The following SMYD2 variants were observed in gnomAD, a reference collection of about 807,000 sequenced individuals.
SMYD2 encodes the protein SET and MYND domain containing 2.
In SMYD2, 53 loss-of-function variants were observed where a neutral mutation model predicts 59.1. The ratio of observed to expected loss-of-function variants is 0.90; its 90% CI spans 0.72 to 1.13. SMYD2 has a LOEUF of 1.13. Among genes scored for constraint, SMYD2 ranks in the 50% most tolerant of loss-of-function variants. The probability of loss-of-function intolerance (pLI) is 0.00; values close to 1 mark genes in which losing one functional copy is unlikely to be tolerated. For synonymous variants in SMYD2, 208 were observed against 198.8 expected, an observed-to-expected ratio of 1.05 and a Z score of -0.39; for missense variants, 494 against 544.7, an observed-to-expected ratio of 0.91 and a Z score of 0.93.
intron 11 of SMYD2, among the ~76,000 whole-genome samples, chr1:214,336,167 A>ATT (rs68101274): frequency 0.81 from 123,417 of 151,814 alleles, 50,875 homozygotes; most frequent in African/African-American, 0.94. Context: ...CCAGCTGGAT[A>ATT]TTTTTGCAGA....
At chr1:214,289,939 A>G (rs1243225030) in intron 1 of SMYD2, among the ~76,000 whole-genome samples, 2 of 152,214 alleles carry the variant, frequency 1.3e-5, no homozygotes, top group Admixed American at 1.3e-4. Flanking sequence ...GGAAATCTGC[A>G]GTAGTTTAGG....
chr1:214,319,023 T>TCCCTCTCCAAGG (rs1334164175), intron 5 of SMYD2, 40 bp downstream of exon 5: 1 of 1,606,968 alleles, frequency 6.2e-7, no homozygotes, highest in South Asian at 1.1e-5. Context: ...GTCTGGCCTT[T>TCCCTCTCCAAGG]CCCTCTCCAA....
At chr1:214,306,135 AG>A (rs1224213625) in intron 2 of SMYD2, among the ~76,000 whole-genome samples, 6 of 152,192 alleles carry the variant, frequency 3.9e-5, no homozygotes, top group Non-Finnish European at 7.3e-5. Context: ...ATGCTGTTAA[AG>A]GGTGGCTCTA....
At chr1:214,332,876 C>CT (rs200969019) in intron 10 of SMYD2, 3,453 of 152,256 alleles carry the variant, frequency 0.023, 54 homozygotes, top group Middle Eastern at 0.031. Flanking sequence ...TTTAAAGGCA[C>CT]TGATATTATG....
chr1:214,298,740 AG>A (rs1656772491), intron 1 of SMYD2, among the ~76,000 whole-genome samples: 1 of 152,212 alleles, frequency 6.6e-6, no homozygotes, highest in Admixed American at 6.5e-5. Context: ...AAGACATACA[AG>A]TGGCCAATAA....
intron 1 of SMYD2, among the ~76,000 whole-genome samples, chr1:214,284,864 C>G (rs1656511377): frequency 6.6e-6 from 1 of 152,194 alleles, no homozygotes; most frequent in East Asian, 1.9e-4. Context: ...GGAGAGAAAT[C>G]TGCTTTAACC....
chr1:214,334,415 A>T, intron 11 of SMYD2, 107 bp downstream of exon 11: 1 of 1,008,620 alleles, frequency 9.9e-7, no homozygotes, highest in Non-Finnish European at 1.5e-6. Context: ...GAGGGTGAGC[A>T]GCTCTCACCC....
intron 3 of SMYD2, among the ~76,000 whole-genome samples, chr1:214,316,478 G>A (rs1657087147): frequency 6.6e-6 from 1 of 150,664 alleles, no homozygotes; most frequent in South Asian, 2.1e-4. Context: ...AAGTAAATGA[G>A]ACTCTGTCTC....
chr1:214,308,405 A>C (rs1656947531), intron 2 of SMYD2, among the ~76,000 whole-genome samples: 1 of 152,202 alleles, frequency 6.6e-6, no homozygotes, highest in Admixed American at 6.5e-5. Context: ...AGTGCCTAGA[A>C]ATAAAGGGTA....
intron 2 of SMYD2, 31 bp from the exon 3 acceptor site, chr1:214,314,731 T>G: frequency 6.4e-7 from 1 of 1,557,116 alleles, no homozygotes; most frequent in South Asian, 1.1e-5. Flanking sequence ...TATGTGCTAT[T>G]TTTTAATAAT....
chr1:214,321,567 C>T (rs768407225), intron 5 of SMYD2, among the ~76,000 whole-genome samples: 10 of 152,182 alleles, frequency 6.6e-5, no homozygotes, highest in African/African-American at 7.2e-5. Context: ...CCCTTTCCAC[C>T]GTCTGGTCCA....
intron 1 of SMYD2, among the ~76,000 whole-genome samples, chr1:214,303,460 G>T (rs1018187389): frequency 6.6e-6 from 1 of 152,158 alleles, no homozygotes; most frequent in East Asian, 1.9e-4. Flanking sequence ...TACCCTAGGG[G>T]ATAGGGGGAG....
intron 1 of SMYD2, among the ~76,000 whole-genome samples, chr1:214,281,969 G>A (rs1469544158): frequency 6.6e-6 from 1 of 152,226 alleles, no homozygotes; most frequent in African/African-American, 2.4e-5. Flanking sequence ...ATGGGTGTTT[G>A]GAGGGACGCC....
chr1:214,328,673 G>T (rs1329978198), intron 7 of SMYD2, among the ~76,000 whole-genome samples: 2 of 152,188 alleles, frequency 1.3e-5, no homozygotes, highest in African/African-American at 2.4e-5. Flanking sequence ...AACTGTCAGC[G>T]TGCTGAATGA....
Position 214,281,222 on chromosome 1 carries a change from G to C in SMYD2, c.-33G>C. On this transcript the variant is annotated 5_prime_UTR_variant, in exon 1 of 12. Coordinates refer to ENST00000366957, the MANE Select transcript of SMYD2 (RefSeq NM_020197.3). ...AACAGCTCGCCGGGAGCCGCAGCTC[G>C]GGCACAGCCGGCGGCCGCGCCCCGC... is the stretch of plus-strand genomic sequence containing the variant. The C allele has an allele frequency of 4.1e-6, 5 of 1,223,448 alleles. No individual in the cohort carries two copies. The highest frequency in any genetic ancestry group is 4.1e-6 in the Non-Finnish European group (4 of 978,012). The allele number at this position is 1,223,448 out of a possible 1,614,324, so 75.8% of individuals were successfully genotyped here. A position where few individuals can be genotyped will look rare whatever the true frequency, so the allele number is the denominator to read the frequency against.
Position 214,330,942 on chromosome 1 carries a change from T to C in SMYD2, c.817-8T>C, listed in dbSNP as rs747818281. On this transcript the variant is annotated splice_polypyrimidine_tract_variant and splice_region_variant and intron_variant, in intron 8 of 11. Transcript: ENST00000366957. Reference sequence around the variant, plus strand: ...GTAACGCCTTGCCCTTGTGGACGTTTCCTTCAGGATAAGGCCAAGGTGGAA... The same window carrying C: ...GTAACGCCTTGCCCTTGTGGACGTTCCCTTCAGGATAAGGCCAAGGTGGAA... The C allele has an allele frequency of 1.9e-6, 3 of 1,614,074 alleles. No individual in the cohort carries two copies. The South Asian group carries it at 3.3e-5, about 18-fold the overall frequency.
Position 214,330,290 on chromosome 1 carries a change from C to A in SMYD2, c.816+12C>A. 6.3e-7 allele frequency: 1 copy of A among 1,581,706 alleles called. No homozygotes were observed. The highest frequency in any genetic ancestry group is 8.7e-7 in the Non-Finnish European group (1 of 1,154,394). On this transcript the variant is annotated intron_variant, in intron 8 of 11. Coordinates refer to ENST00000366957, the MANE Select transcript of SMYD2 (RefSeq NM_020197.3). ...CCACCAAGGACAAGGTAAGGTTGTT[C>A]ATTGGGCAAGAGCGCTGACTGCACT...
Position 214,318,738 on chromosome 1 carries a change from T to G in SMYD2, c.410-121T>G. The G allele has an allele frequency of 6.0e-6, 7 of 1,166,890 alleles. No homozygotes were observed. The highest frequency in any genetic ancestry group is 7.1e-6 in the Non-Finnish European group (6 of 845,894). The allele number at this position is 1,166,890 out of a possible 1,614,324, so 72.3% of individuals were successfully genotyped here. A position where few individuals can be genotyped will look rare whatever the true frequency, so the allele number is the denominator to read the frequency against. On this transcript the variant is annotated intron_variant, in intron 4 of 11. Transcript: ENST00000366957. The surrounding 1 kb of genome is among the most constrained non-coding windows in gnomAD (Gnocchi z 5.4). ...GAATGTTCTCTGGGGGTTCAACATGTTAGTTTTGGGTTTTTTTTTTTTCGC... is the reference window on the plus strand; with the variant it reads ...GAATGTTCTCTGGGGGTTCAACATGGTAGTTTTGGGTTTTTTTTTTTTCGC...
At chr1:214,298,343 C>T (rs1571922159) in intron 1 of SMYD2, among the ~76,000 whole-genome samples, 1 of 152,168 alleles carries the variant, frequency 6.6e-6, no homozygotes, top group Non-Finnish European at 1.5e-5. Context: ...GGATGACTGG[C>T]TAGCCATATG....
Sources: gnomAD v4.1 joint callset for allele counts (sites outside exome capture counted in the v4.1 genomes callset) on GRCh38, gnomAD v4.1.1 for gene constraint, Gnocchi (gnomAD v3.1) non-coding constraint, MANE v1.5 for transcripts, NCBI Gene and HGNC (gene_info 2026-07-23, HGNC 2026-07-21) for gene names.